RRP1B: variants seen among roughly 807,000 people sequenced by gnomAD.
The protein encoded by RRP1B is ribosomal RNA processing protein 1 homolog B.
In RRP1B, 56 loss-of-function variants were observed where a neutral mutation model predicts 80.2. That is an observed-to-expected ratio of 0.70 (90% CI 0.56 to 0.87). RRP1B has a LOEUF of 0.87. Ranked by LOEUF, RRP1B falls within the 40% of genes least tolerant of loss-of-function variation. RRP1B has a pLI of 0.00. For missense variants in RRP1B, 807 were observed against 939.8 expected (o/e 0.86, Z 1.85); for synonymous variants, 351 against 357.6 (o/e 0.98, Z 0.21).
chr21:43,692,460 G>A (rs545197936), intron 15 of RRP1B, among the ~76,000 whole-genome samples: 7 of 152,174 alleles, frequency 4.6e-5, no homozygotes, highest in Admixed American at 6.5e-5. Flanking sequence ...TTACCTGGGC[G>A]TAGTGGCAAG....
At chr21:43,672,450 G>A (rs2083003736) in intron 3 of RRP1B, 85 bp downstream of exon 3, 10 of 1,154,046 alleles carry the variant, frequency 8.7e-6, no homozygotes. Context: ...TTGTGTAGAT[G>A]TCAGGGGACA....
chr21:43,666,846 G>T lies in RRP1B; in HGVS notation c.131-3038G>T, dbSNP rs532754671. Among the ~76,000 whole-genome samples, 7 of 152,168 alleles carry T rather than the reference G, an allele frequency of 4.6e-5. No homozygotes were observed. In the South Asian group the frequency reaches 8.3e-4, roughly 18 times the overall value. On this transcript the variant is annotated intron_variant, in intron 1 of 15. Coordinates refer to ENST00000340648, the MANE Select transcript of RRP1B (RefSeq NM_015056.3). ...ATTTGGTTAATATGTCTGCCAAGAC[G>T]CTCTTAAAATCTAACAGTTCTTACC...
intron 13 of RRP1B, among the ~76,000 whole-genome samples, chr21:43,688,527 G>GC (rs1386276795): frequency 6.6e-6 from 1 of 152,198 alleles, no homozygotes; most frequent in Non-Finnish European, 1.5e-5. Flanking sequence ...AGGCACTCCT[G>GC]CCCCAGGCGT....
chr21:43,677,243 C>T (rs2083026563), intron 8 of RRP1B, among the ~76,000 whole-genome samples: 1 of 152,198 alleles, frequency 6.6e-6, no homozygotes, highest in Non-Finnish European at 1.5e-5. Flanking sequence ...ACGCTAACAC[C>T]TTAGCATGCA....
intron 7 of RRP1B, 103 bp downstream of exon 7, chr21:43,676,439 C>A: frequency 1.1e-6 from 1 of 880,904 alleles, no homozygotes; most frequent in Admixed American, 2.3e-5. Context: ...CACTGCTTCA[C>A]AGCAGAGAGC....
intron 10 of RRP1B, 48 bp downstream of exon 10, chr21:43,684,698 C>A: frequency 6.8e-7 from 1 of 1,469,388 alleles, no homozygotes; most frequent in Non-Finnish European, 9.5e-7. Flanking sequence ...CTTTAGTTCT[C>A]ATCTCCTGGT....
intron 11 of RRP1B, chr21:43,686,152 A>G (rs1353209284): frequency 1.1e-5 from 2 of 184,456 alleles, no homozygotes. Flanking sequence ...TTACCTAGTC[A>G]TACCGCAGTA....
intron 13 of RRP1B, among the ~76,000 whole-genome samples, chr21:43,689,755 G>A (rs1159322411): frequency 1.3e-5 from 2 of 152,252 alleles, no homozygotes; most frequent in Non-Finnish European, 2.9e-5. Flanking sequence ...CGGCACACTT[G>A]AACCTGCCGG....
intron 8 of RRP1B, among the ~76,000 whole-genome samples, chr21:43,680,655 G>C (rs1203426229): frequency 2.0e-5 from 3 of 151,806 alleles, no homozygotes; most frequent in African/African-American, 7.3e-5. Context: ...CAACCTCTTG[G>C]GCTCAAGTGA....
chr21:43,688,425 C>T (rs370500639), intron 13 of RRP1B, among the ~76,000 whole-genome samples, 185 bp downstream of exon 13: 1 of 152,234 alleles, frequency 6.6e-6, no homozygotes, highest in East Asian at 1.9e-4. Flanking sequence ...ACCAGTACTT[C>T]GGTCCTCCTC....
At chr21:43,683,409 T>C (rs1214810483) in intron 9 of RRP1B, 36 bp downstream of exon 9, 1 of 1,549,918 alleles carries the variant, frequency 6.5e-7, no homozygotes. Context: ...AGAATATAGA[T>C]TTGCTGTGGA....
chr21:43,660,622 G>A (rs891645054), intron 1 of RRP1B, among the ~76,000 whole-genome samples: 3 of 152,180 alleles, frequency 2.0e-5, no homozygotes, highest in African/African-American at 7.2e-5. Flanking sequence ...AAGGGAAGGA[G>A]GTTGCTCTTC....
rs376519330 is a variant in RRP1B, at chr21:43,690,284, G to T, written c.1867-4G>T. The T allele has an allele frequency of 2.1e-5, 34 of 1,613,994 alleles. No individual in the cohort carries two copies. The highest frequency in any genetic ancestry group is 2.8e-5 in the Non-Finnish European group (33 of 1,179,984). On this transcript the variant is annotated splice_polypyrimidine_tract_variant and splice_region_variant and intron_variant, in intron 13 of 15. Coordinates refer to ENST00000340648, the MANE Select transcript of RRP1B (RefSeq NM_015056.3). ...CCTCCGCTTCTCACCCCTCGCTCACGTAGGGAAGCAGTGGGACTTGCAGTT... is the reference window on the plus strand; with the variant it reads ...CCTCCGCTTCTCACCCCTCGCTCACTTAGGGAAGCAGTGGGACTTGCAGTT...
Position 43,659,830 on chromosome 21 carries a change from C to A in RRP1B, c.130+36C>A. ...GGCCGCGGTCAGCCGCGCCACATGG[C>A]GGGCCGGGGGCCGGGGCTGGGGCTA... On this transcript the variant is annotated intron_variant, in intron 1 of 15. Transcript: ENST00000340648. The surrounding 1 kb of genome is among the most constrained non-coding windows in gnomAD (Gnocchi z 4.2). The A allele has an allele frequency of 6.7e-7, 1 of 1,483,598 alleles. No homozygotes were observed. The highest frequency in any genetic ancestry group is 9.0e-7 in the Non-Finnish European group (1 of 1,110,750). The allele number at this position is 1,483,598 out of a possible 1,614,324, so 91.9% of individuals were successfully genotyped here.
chr21:43,673,185 G>A (rs376747762), intron 3 of RRP1B, among the ~76,000 whole-genome samples: 2 of 152,190 alleles, frequency 1.3e-5, no homozygotes. Flanking sequence ...TGAGGTACCA[G>A]TGCAGTAGGA....
chr21:43,682,510 T>C (rs1187847489), intron 8 of RRP1B, among the ~76,000 whole-genome samples: 1 of 152,248 alleles, frequency 6.6e-6, no homozygotes, highest in Non-Finnish European at 1.5e-5. Flanking sequence ...TCCTGAAGCA[T>C]GCTCGTGAAA....
At position 43,679,230 on chromosome 21, in the gene RRP1B, C is replaced by G. The variant is rs553572343; in HGVS notation, c.796+2316C>G. On this transcript the variant is annotated intron_variant, in intron 8 of 15. Coordinates refer to ENST00000340648, the MANE Select transcript of RRP1B (RefSeq NM_015056.3). ...GAGGGTTTTTTGTTTTTTTGTGTGTCTTTTTTTTTTTGGTGTTTTGGTGTT... is the reference window on the plus strand; with the variant it reads ...GAGGGTTTTTTGTTTTTTTGTGTGTGTTTTTTTTTTTGGTGTTTTGGTGTT... Among the ~76,000 whole-genome samples, 620 of 141,894 alleles carry G rather than the reference C, an allele frequency of 4.4e-3. 8 individuals carry two copies. Among genetic ancestry groups the G allele is most frequent in the African/African-American group, 0.015 (587 of 39,164 alleles). The allele number at this position is 141,894 out of a possible 152,430, so 93.1% of individuals were successfully genotyped here.
intron 2 of RRP1B, among the ~76,000 whole-genome samples, chr21:43,671,561 T>G (rs555861514): frequency 6.6e-6 from 1 of 151,756 alleles, no homozygotes; most frequent in Admixed American, 6.6e-5. Flanking sequence ...AGGGACTGGG[T>G]CTCATTGTGT....
In RRP1B at chr21:43,694,923, G is replaced by A. The variant is rs1221465486; in HGVS notation, c.*1540G>A. 2 of 152,250 alleles carry A rather than the reference G, an allele frequency of 1.3e-5. No individual in the cohort carries two copies. Among genetic ancestry groups the A allele is most frequent in the Non-Finnish European group, 2.9e-5 (2 of 68,050 alleles). 9.4% of individuals were successfully genotyped at this position (152,250 alleles called of 1,614,324 possible). A position where few individuals can be genotyped will look rare whatever the true frequency, so the allele number is the denominator to read the frequency against. ...GACTGACTTGCTGGCGTCAAGAGCA[G>A]TTGACTCACTGATGAAGGCCCTGGT... On this transcript the variant is annotated 3_prime_UTR_variant, in exon 16 of 16. Coordinates refer to ENST00000340648, the MANE Select transcript of RRP1B (RefSeq NM_015056.3).
Sources: allele counts gnomAD v4.1 joint callset (sites outside exome capture counted in the v4.1 genomes callset), GRCh38; gene constraint gnomAD v4.1.1; non-coding constraint Gnocchi (gnomAD v3.1); transcripts MANE v1.5; gene names NCBI Gene and HGNC (gene_info 2026-07-23, HGNC 2026-07-21).